Variants in BTBD16 observed in about 807,000 individuals in gnomAD.
BTBD16 encodes the protein BTB/POZ domain-containing protein 16.
In BTBD16, 66 loss-of-function variants were observed where a neutral mutation model predicts 67.4. That is an observed-to-expected ratio of 0.98 (90% confidence interval 0.80 to 1.20). BTBD16 has a LOEUF of 1.20. BTBD16 is among the 50% of genes most tolerant of loss of function. The pLI is 0.00. For missense variants in BTBD16, 634 were observed against 616.0 expected (o/e 1.03, Z -0.31); for synonymous variants, 242 against 236.4 (o/e 1.02, Z -0.22).
At position 122,299,119 on chromosome 10, in the gene BTBD16, T is replaced by G; in HGVS notation, c.776T>G (p.Val259Gly). 6.2e-7 allele frequency: 1 copy of G among 1,613,798 alleles called. No individual in the cohort carries two copies. Among genetic ancestry groups the G allele is most frequent in the South Asian group, 1.1e-5 (1 of 91,002 alleles). ...ATCCCACAGGACCTGCTCCACAAAG[T>G]GCTGAAGTCCCCCAGGTCAGAGCTG... ...HKIPQDLLHK[V>G]LKSPRLFTFS... Residue 259 changes from valine (V) to glycine (G), a missense_variant, in exon 9 of 16, where the codon GTG (valine) becomes GGG (glycine). Coordinates refer to ENST00000260723, the MANE Select transcript of BTBD16 (RefSeq NM_144587.5).
chr10:122,308,655 G>T (rs983418044), intron 10 of BTBD16, among the ~76,000 whole-genome samples: 4 of 152,038 alleles, frequency 2.6e-5, no homozygotes, highest in Non-Finnish European at 5.9e-5. Context: ...CGAGCTTTGG[G>T]TCAGACTGGG....
chr10:122,324,175 A>T (rs2096440311), intron 10 of BTBD16, among the ~76,000 whole-genome samples: 1 of 152,166 alleles, frequency 6.6e-6, no homozygotes, highest in East Asian at 1.9e-4. Flanking sequence ...GCCTTCTCTG[A>T]TCTCACTTGT....
At chr10:122,295,282 C>A (rs2096381097) in intron 7 of BTBD16, 1 of 984,090 alleles carries the variant, frequency 1.0e-6, no homozygotes. Flanking sequence ...TGGACCTGAG[C>A]CTGGAAGAAT....
chr10:122,325,356 A>T (rs2096442600), intron 10 of BTBD16, among the ~76,000 whole-genome samples: 1 of 152,224 alleles, frequency 6.6e-6, no homozygotes. Flanking sequence ...AGGAGCAGAG[A>T]CAAGCAATAA....
At chr10:122,309,552 C>T (rs2096409949) in intron 10 of BTBD16, among the ~76,000 whole-genome samples, 1 of 151,926 alleles carries the variant, frequency 6.6e-6, no homozygotes, top group Middle Eastern at 3.4e-3. Flanking sequence ...AACATGTTGG[C>T]CAGAATGGTC....
intron 12 of BTBD16, 55 bp from the exon 13 acceptor site, chr10:122,332,381 G>T (rs2096456541): frequency 6.4e-7 from 1 of 1,556,354 alleles, no homozygotes. Context: ...GATGAAGAGA[G>T]GCGCTCGTGT....
Position 122,289,956 on chromosome 10 carries a change from A to T in BTBD16, c.433A>T (p.Ile145Phe), listed in dbSNP as rs779450936. 10 of 1,613,794 alleles carry T rather than the reference A, an allele frequency of 6.2e-6. No homozygotes were observed. Among genetic ancestry groups the T allele is most frequent in the Non-Finnish European group, 7.6e-6 (9 of 1,179,878 alleles). Residue 145 changes from isoleucine to phenylalanine, a missense_variant, in exon 6 of 16, where the codon ATC becomes TTC. Physicochemically the swap from Ile to Phe is conservative, Grantham distance 21. Coordinates refer to ENST00000260723, the MANE Select transcript of BTBD16 (RefSeq NM_144587.5). The stretch of plus-strand genomic sequence containing the variant: ...AGAAAAATCCCCTGCAAAGAGGATC[A>T]TCATTTCCTTGAAGATCAATGACCC... ...TKEKSPAKRI[I>F]ISLKINDPLV...
intron 10 of BTBD16, among the ~76,000 whole-genome samples, chr10:122,327,893 C>T (rs1382160805): frequency 6.6e-6 from 1 of 152,200 alleles, no homozygotes. Flanking sequence ...TGCTTTCCTC[C>T]AGATGGGGCC....
chr10:122,322,817 C>T (rs1214314374), intron 10 of BTBD16, among the ~76,000 whole-genome samples: 1 of 152,202 alleles, frequency 6.6e-6, no homozygotes, highest in Non-Finnish European at 1.5e-5. Flanking sequence ...CAAGGAAACC[C>T]TCCAAGAGTA....
chr10:122,329,681 A>T (rs2096451967), intron 11 of BTBD16, 110 bp downstream of exon 11: 8 of 865,332 alleles, frequency 9.2e-6, no homozygotes, highest in Non-Finnish European at 1.5e-5. Context: ...GAATCACCTG[A>T]ATCGTGGCAT....
At chr10:122,298,366 G>A (rs2096387497) in intron 8 of BTBD16, among the ~76,000 whole-genome samples, 2 of 152,058 alleles carry the variant, frequency 1.3e-5, no homozygotes, top group South Asian at 2.1e-4. Flanking sequence ...TCCCATCATC[G>A]CGTCCTCCCC....
At position 122,276,887 on chromosome 10, in the gene BTBD16, A is replaced by G. The variant is rs745851544; in HGVS notation, c.115A>G (p.Met39Val). 6.2e-7 allele frequency: 1 copy of G among 1,614,182 alleles called. No homozygotes were observed. The highest frequency in any genetic ancestry group is 8.5e-7 in the Non-Finnish European group (1 of 1,180,026). ...FSGDLLSLSQ[M>V]CKALSIDFEE... ...TGGGGACCTGCTCTCACTTTCCCAG[A>G]TGTGCAAGGCTCTGAGCATAGACTT... is the stretch of plus-strand genomic sequence containing the variant. The change falls in exon 3 of 16, where the codon ATG becomes GTG. Residue 39 changes from methionine to valine, a missense_variant. Transcript: ENST00000260723.
intron 10 of BTBD16, chr10:122,327,612 C>G (rs1290592742): frequency 3.0e-6 from 3 of 985,436 alleles, no homozygotes; most frequent in East Asian, 2.3e-4. Context: ...GACTCATGGC[C>G]TCTCCATGTC....
At chr10:122,335,427 T>A (rs2096461946) in intron 14 of BTBD16, among the ~76,000 whole-genome samples, 1 of 152,216 alleles carries the variant, frequency 6.6e-6, no homozygotes, top group Non-Finnish European at 1.5e-5. Flanking sequence ...GTGCTTGACT[T>A]CTCCGTAGTG....
At chr10:122,296,668 C>T (rs568851276) in intron 7 of BTBD16, among the ~76,000 whole-genome samples, 1 of 152,348 alleles carries the variant, frequency 6.6e-6, no homozygotes, top group African/African-American at 2.4e-5. Flanking sequence ...ACGTCTACCA[C>T]ACTCCATTCA....
chr10:122,275,254 C>T (rs796766187), intron 2 of BTBD16, among the ~76,000 whole-genome samples, 155 bp downstream of exon 2: 4 of 152,168 alleles, frequency 2.6e-5, no homozygotes, highest in African/African-American at 9.6e-5. Flanking sequence ...CCAGGCAGCA[C>T]CGTCCAGAGG....
rs976874636 is a variant in BTBD16 at position 122,336,596 on chromosome 10, G to C, written c.1366G>C (p.Ala456Pro). ...GGTGAAGTATGAGATCAGAGCAGAG[G>C]CCCTGGTTGACGGCAAGTGGCAGGA... ...RLVKYEIRAE[A>P]LVDGKWQEFR... Residue 456 changes from alanine (A) to proline (P), a missense_variant, in exon 15 of 16, where the codon GCC becomes CCC. Coordinates refer to ENST00000260723, the MANE Select transcript of BTBD16 (RefSeq NM_144587.5). The C allele has an allele frequency of 6.2e-7, 1 of 1,613,066 alleles. No homozygotes were observed. The highest frequency in any genetic ancestry group is 1.7e-5 in the Admixed American group (1 of 59,636).
chr10:122,335,060 T>C, intron 14 of BTBD16, 81 bp downstream of exon 14: 1 of 695,752 alleles, frequency 1.4e-6, no homozygotes, highest in Non-Finnish European at 2.4e-6. Flanking sequence ...TTAATAATAA[T>C]TGATTCATCA....
intron 9 of BTBD16, among the ~76,000 whole-genome samples, chr10:122,306,355 C>T (rs4317918): frequency 0.05 from 7,682 of 152,282 alleles, 418 homozygotes; most frequent in East Asian, 0.24. Flanking sequence ...CGTGTTGTTT[C>T]GAACCACTTG....
Sources: allele counts gnomAD v4.1 joint callset (sites outside exome capture counted in the v4.1 genomes callset), GRCh38; gene constraint gnomAD v4.1.1; transcripts MANE v1.5; gene names NCBI Gene and HGNC (gene_info 2026-07-23, HGNC 2026-07-21).